The following ZNF521 variants were observed in gnomAD, a reference collection of about 807,000 sequenced individuals.
The protein encoded by ZNF521 is LYST-interacting protein 3.
A neutral mutation model predicts 105.5 loss-of-function variants in ZNF521; 14 were observed. That is an observed-to-expected ratio of 0.13 (90% CI 0.09 to 0.21). The LOEUF (loss-of-function observed/expected upper bound fraction) is 0.21. Ranked by LOEUF, ZNF521 falls within the 10% of genes least tolerant of loss-of-function variation. The pLI, the probability that ZNF521 is intolerant of heterozygous loss-of-function variation, is 1.00. For missense variants in ZNF521, 1,233 were observed against 1,629.7 expected (o/e 0.76, Z 4.19); for synonymous variants, 635 against 606.0 (o/e 1.05, Z -0.70).
At chr18:25,203,299 A>G (rs1289757264) in intron 4 of ZNF521, among the ~76,000 whole-genome samples, 1 of 152,114 alleles carries the variant, frequency 6.6e-6, no homozygotes, top group Non-Finnish European at 1.5e-5. Context: ...GAGGTCTAAA[A>G]TGGGAATAAT....
intron 5 of ZNF521, 65 bp downstream of exon 5, chr18:25,195,095 T>G (rs1390445689): frequency 3.3e-6 from 4 of 1,205,970 alleles, no homozygotes; most frequent in Non-Finnish European, 4.8e-6. Context: ...TTTAACTCTG[T>G]TTAATGGTGA....
At chr18:25,144,168 G>A (rs1431577854) in intron 5 of ZNF521, among the ~76,000 whole-genome samples, 1 of 152,136 alleles carries the variant, frequency 6.6e-6, no homozygotes, top group Non-Finnish European at 1.5e-5. Flanking sequence ...CCAGCAAGCT[G>A]CCTTCACAGT....
Position 25,227,471 on chromosome 18 carries a change from G to T in ZNF521, c.447C>A (p.Thr149=). Residue 149 remains threonine, a synonymous_variant, in exon 4 of 8, where the codon ACC becomes ACA. Transcript: ENST00000361524. This position sits in a 1 kb window ranked among gnomAD's most constrained non-coding sequence, Gnocchi z 5.7. ...TGTGTTTGAACAGCCTACTGCAGTA[G>T]GTGCATTTGAAAGGCAGTTTGTCAC... ...SHSDKLPFKC[T]YCSRLFKHKR... is the part of the protein sequence containing the mutation. 1 of 1,614,094 alleles carries T rather than the reference G, an allele frequency of 6.2e-7. No homozygotes were observed. The highest frequency in any genetic ancestry group is 8.5e-7 in the Non-Finnish European group (1 of 1,180,010).
At chr18:25,311,079 G>A (rs1468802923) in intron 3 of ZNF521, among the ~76,000 whole-genome samples, 1 of 152,118 alleles carries the variant, frequency 6.6e-6, no homozygotes, top group East Asian at 1.9e-4. Context: ...CGAAAGAAAG[G>A]AGGAGTGAAG....
chr18:25,307,039 C>A (rs1600285288), intron 3 of ZNF521, among the ~76,000 whole-genome samples: 1 of 152,210 alleles, frequency 6.6e-6, no homozygotes, highest in East Asian at 1.9e-4. Flanking sequence ...GTGATGGCCA[C>A]CCAATACAGC....
chr18:25,127,956 T>C (rs1004753358), intron 5 of ZNF521, among the ~76,000 whole-genome samples: 28 of 151,942 alleles, frequency 1.8e-4, no homozygotes, highest in African/African-American at 6.0e-4. Context: ...AGAGAGAACA[T>C]TTCCCAACTC....
rs189431898 is a variant in ZNF521 at position 25,143,941 on chromosome 18, G to A, written c.3658+51219C>T. 4.6e-5 allele frequency among the ~76,000 whole-genome samples: 7 copies of A among 152,298 alleles called. No individual in the cohort carries two copies. In the East Asian group the frequency reaches 1.4e-3, roughly 29 times the overall value. ...TATAATTACAAGAATGATGCTAACTGAATCCTTTGCTTTGTTTCAGTATCC... is the reference window on the plus strand; with the variant it reads ...TATAATTACAAGAATGATGCTAACTAAATCCTTTGCTTTGTTTCAGTATCC... On this transcript the variant is annotated intron_variant, in intron 5 of 7. Transcript: ENST00000361524.
Position 25,227,166 on chromosome 18 carries a change from C to A in ZNF521, c.752G>T (p.Cys251Phe). The A allele has an allele frequency of 1.2e-6, 2 of 1,614,178 alleles. No homozygotes were observed. Among genetic ancestry groups the A allele is most frequent in the Non-Finnish European group, 1.7e-6 (2 of 1,180,020 alleles). The change falls in exon 4 of 8, where the codon TGT becomes TTT. Residue 251 changes from cysteine to phenylalanine, a missense_variant. By Grantham distance (205) the Cys-to-Phe change is radical. This residue lies in a region of ZNF521 where 380 missense variants were observed against 478.0 expected (regional missense o/e 0.80). Coordinates refer to ENST00000361524, the MANE Select transcript of ZNF521 (RefSeq NM_015461.3). The surrounding 1 kb of genome is among the most constrained non-coding windows in gnomAD (Gnocchi z 5.7). ...KMKDTQKCSQ[C>F]EEGFDFPEDL... Reference sequence around the variant, plus strand: ...TTCCGGGAAGTCAAAGCCTTCCTCACACTGACTGCACTTCTGAGTGTCCTT... The same window carrying A: ...TTCCGGGAAGTCAAAGCCTTCCTCAAACTGACTGCACTTCTGAGTGTCCTT...
chr18:25,225,887 T>C lies in ZNF521; in HGVS notation c.2031A>G (p.Glu677=). 6 of 1,614,168 alleles carry C rather than the reference T, an allele frequency of 3.7e-6. No individual in the cohort carries two copies. The highest frequency in any genetic ancestry group is 5.1e-6 in the Non-Finnish European group (6 of 1,180,028). Residue 677 remains glutamate, a synonymous_variant, in exon 4 of 8, where the codon GAA becomes GAG. Coordinates refer to ENST00000361524, the MANE Select transcript of ZNF521 (RefSeq NM_015461.3). This position sits in a 1 kb window ranked among gnomAD's most constrained non-coding sequence, Gnocchi z 5.6. ...GAATGGTAACATGCTTCAGCAAGGA[T>C]TCTTGGTTGGGGAATTCCTTGTTGC... The part of the protein sequence containing the change: ...PQCNKEFPNQ[E]SLLKHVTIHF...
At chr18:25,329,615 G>A (rs1206407081) in intron 2 of ZNF521, among the ~76,000 whole-genome samples, 1 of 152,202 alleles carries the variant, frequency 6.6e-6, no homozygotes, top group Non-Finnish European at 1.5e-5. Context: ...GCGAGGGAGG[G>A]ATAGACCAGA....
intron 5 of ZNF521, among the ~76,000 whole-genome samples, chr18:25,116,921 A>ATG (rs1401635117): frequency 8.7e-5 from 12 of 137,826 alleles, no homozygotes; most frequent in African/African-American, 2.3e-4. Context: ...ACGTATATCT[A>ATG]TGTATATATA....
intron 3 of ZNF521, among the ~76,000 whole-genome samples, chr18:25,239,375 C>T (rs56759747): frequency 0.011 from 1,607 of 152,188 alleles, 25 homozygotes; most frequent in African/African-American, 0.037. Context: ...AGTAGACAGC[C>T]GTGTTTCAAG....
intron 4 of ZNF521, among the ~76,000 whole-genome samples, chr18:25,211,817 C>A (rs898628511): frequency 2.0e-5 from 3 of 152,196 alleles, no homozygotes; most frequent in South Asian, 4.1e-4. Context: ...TAAAAATATT[C>A]TTTTATTTTA....
At chr18:25,320,335 G>C (rs866920546) in intron 3 of ZNF521, among the ~76,000 whole-genome samples, 10 of 152,062 alleles carry the variant, frequency 6.6e-5, no homozygotes, top group African/African-American at 2.4e-4. Flanking sequence ...ACCACGCACG[G>C]CTAATTTTTA....
intron 2 of ZNF521, among the ~76,000 whole-genome samples, chr18:25,341,949 A>C (rs1471952812): frequency 6.6e-6 from 1 of 152,126 alleles, no homozygotes; most frequent in African/African-American, 2.4e-5. Context: ...AAACACAACA[A>C]AACAAAAACC....
At position 25,227,425 on chromosome 18, in the gene ZNF521, T is replaced by A; in HGVS notation, c.493A>T (p.Ile165Leu). ...FKHKRSRDRH[I>L]KLHTGDKKYH... Reference sequence around the variant, plus strand: ...TTCTTGTCCCCGGTGTGGAGTTTTATGTGGCGATCTCGGCTGCGCTTGTGT... The same window carrying A: ...TTCTTGTCCCCGGTGTGGAGTTTTAAGTGGCGATCTCGGCTGCGCTTGTGT... Residue 165 changes from isoleucine (I) to leucine (L), a missense_variant, in exon 4 of 8, where the codon ATA becomes TTA. Ile to Leu is a conservative substitution (Grantham distance 5). Transcript: ENST00000361524. This position sits in a 1 kb window ranked among gnomAD's most constrained non-coding sequence, Gnocchi z 5.7. 6.2e-7 allele frequency: 1 copy of A among 1,614,164 alleles called. No individual in the cohort carries two copies. The highest frequency in any genetic ancestry group is 1.6e-4 in the Middle Eastern group (1 of 6,062).
intron 3 of ZNF521, among the ~76,000 whole-genome samples, chr18:25,286,061 G>A (rs993362020): frequency 6.6e-6 from 1 of 152,210 alleles, no homozygotes; most frequent in East Asian, 1.9e-4. Flanking sequence ...TGGAAATTGG[G>A]ATAATAATGT....
At position 25,226,859 on chromosome 18, in the gene ZNF521, G is replaced by A. The variant is rs375746812; in HGVS notation, c.1059C>T (p.Ser353=). ...SPSLVTVGYT[S]VSSTTPDSNL... ...TGGAATCTGGAGTCGTACTGGACAC[G>A]GAGGTATAGCCCACCGTGACCAGGG... Residue 353 remains serine (S), a synonymous_variant, in exon 4 of 8, where the codon TCC becomes TCT. Transcript: ENST00000361524. The surrounding 1 kb of genome is among the most constrained non-coding windows in gnomAD (Gnocchi z 4.1). The A allele has an allele frequency of 8.7e-6, 14 of 1,613,924 alleles. No homozygotes were observed. In the South Asian group the frequency reaches 8.8e-5, roughly 10 times the overall value.
At chr18:25,142,311 T>C (rs1367801423) in intron 5 of ZNF521, among the ~76,000 whole-genome samples, 1 of 152,196 alleles carries the variant, frequency 6.6e-6, no homozygotes, top group African/African-American at 2.4e-5. Flanking sequence ...ACCTGGGTTA[T>C]TCAGATGCAT....
Sources: gnomAD v4.1 joint callset for allele counts (sites outside exome capture counted in the v4.1 genomes callset) on GRCh38, gnomAD v4.1.1 for gene constraint, gnomAD v4.1.1 regional missense constraint, Gnocchi (gnomAD v3.1) non-coding constraint, MANE v1.5 for transcripts, NCBI Gene and HGNC (gene_info 2026-07-23, HGNC 2026-07-21) for gene names.